The following DIP2C variants were observed in gnomAD, a reference collection of about 807,000 sequenced individuals.
The protein encoded by DIP2C is disco-interacting protein 2 homolog C.
In DIP2C, 33 loss-of-function variants were observed where a neutral mutation model predicts 192.4. The observed-to-expected ratio is 0.17, with a 90% confidence interval of 0.13 to 0.23. DIP2C has a LOEUF of 0.23. DIP2C is among the 10% of genes least tolerant of loss of function. The pLI is 1.00. For synonymous variants in DIP2C, 979 were observed against 864.1 expected (o/e 1.13, Z -2.33); for missense variants, 1,537 against 2,110.1 (o/e 0.73, Z 5.32).
In DIP2C at chr10:689,509, G is replaced by C. The variant is rs1831467448; in HGVS notation, c.70C>G (p.Leu24Val). The C allele has an allele frequency of 7.8e-7, 1 of 1,283,378 alleles. No homozygotes were observed. The highest frequency in any genetic ancestry group is 1.0e-6 in the Non-Finnish European group (1 of 995,574). The allele number at this position is 1,283,378 out of a possible 1,614,324, so 79.5% of individuals were successfully genotyped here. The part of the protein sequence containing the change: ...EVRARLAELE[L>V]ELSEGDITQK... ...GCCCGGTTACCTTCCGACAGCTCCA[G>C]CTCCAGCTCGGCCAGGCGCGCCCGC... Residue 24 changes from leucine to valine, a missense_variant, in exon 1 of 37, where the codon CTG (leucine) becomes GTG (valine). Leu to Val is a conservative substitution (Grantham distance 32). This residue lies in a region of DIP2C where 473 missense variants were observed against 539.6 expected (regional missense o/e 0.88). Coordinates refer to ENST00000280886, the MANE Select transcript of DIP2C (RefSeq NM_014974.3). The surrounding 1 kb of genome is among the most constrained non-coding windows in gnomAD (Gnocchi z 6.1).
intron 1 of DIP2C, among the ~76,000 whole-genome samples, chr10:589,108 T>C (rs1218590307): frequency 4.6e-5 from 7 of 152,042 alleles, no homozygotes; most frequent in Non-Finnish European, 1.0e-4. Context: ...TTTCAGATGC[T>C]TTCAGGCCAC....
intron 1 of DIP2C, among the ~76,000 whole-genome samples, chr10:640,679 G>C (rs371394721): frequency 9.9e-5 from 14 of 141,528 alleles, no homozygotes; most frequent in African/African-American, 4.0e-4. Flanking sequence ...GGGGATGAGG[G>C]TGCGCGCGGG....
At chr10:281,890 A>C (rs993136677) in intron 35 of DIP2C, 2 of 152,416 alleles carry the variant, frequency 1.3e-5, no homozygotes, top group Admixed American at 1.3e-4. Context: ...TGCAAACCTC[A>C]GAATAATGAC....
Position 341,309 on chromosome 10 carries a change from A to G in DIP2C, c.3474T>C (p.Ser1158=). The part of the protein sequence containing the change: ...AGVKMSHAAT[S]AFCRSIKLQC... ...GCAGCTTAATGGAACGGCAGAAGGC[A>G]CTGGTGGCTGCGTGAGACATCTGCA... The change falls in exon 29 of 37, where the codon AGT becomes AGC. Residue 1158 remains serine (S), a synonymous_variant. Transcript: ENST00000280886. 1 of 1,614,120 alleles carries G rather than the reference A, an allele frequency of 6.2e-7. No individual in the cohort carries two copies. The highest frequency in any genetic ancestry group is 8.5e-7 in the Non-Finnish European group (1 of 1,180,036).
chr10:593,881 T>G (rs552678040), intron 1 of DIP2C, among the ~76,000 whole-genome samples: 1 of 152,298 alleles, frequency 6.6e-6, no homozygotes, highest in African/African-American at 2.4e-5. Flanking sequence ...CTCGAATGTC[T>G]TCTGAAAGCA....
chr10:598,157 C>G (rs1177323949), intron 1 of DIP2C, among the ~76,000 whole-genome samples: 1 of 152,220 alleles, frequency 6.6e-6, no homozygotes, highest in African/African-American at 2.4e-5. Flanking sequence ...GTCGGAGACA[C>G]CAGGGATGGA....
chr10:281,362 T>C (rs374002026), intron 35 of DIP2C, 39 bp from the exon 36 acceptor site: 10 of 1,557,258 alleles, frequency 6.4e-6, no homozygotes, highest in Admixed American at 1.8e-5. Flanking sequence ...TTCCCCATAA[T>C]GCCGCTCAAG....
intron 5 of DIP2C, among the ~76,000 whole-genome samples, chr10:419,442 G>A (rs184222163): frequency 2.7e-3 from 409 of 152,348 alleles, no homozygotes; most frequent in Non-Finnish European, 4.8e-3. Context: ...TTCCTAACGG[G>A]AGCCATGTCA....
intron 4 of DIP2C, among the ~76,000 whole-genome samples, chr10:424,722 T>C (rs1248276609): frequency 6.6e-6 from 1 of 152,290 alleles, no homozygotes; most frequent in South Asian, 2.1e-4. Context: ...GACACAGCCT[T>C]GAGACTTTTG....
intron 10 of DIP2C, among the ~76,000 whole-genome samples, chr10:393,778 CAAAAA>C (rs34390976): frequency 4.5e-5 from 3 of 66,722 alleles, no homozygotes; most frequent in African/African-American, 6.3e-5. Context: ...GACTCCGTCT[CAAAAA>C]AAAAAAAAAA....
intron 32 of DIP2C, among the ~76,000 whole-genome samples, chr10:302,158 T>C (rs182342274): frequency 6.6e-6 from 1 of 152,090 alleles, no homozygotes; most frequent in Non-Finnish European, 1.5e-5. Flanking sequence ...TGTATATCCA[T>C]GTAAAGGTAT....
chr10:370,349 C>T (rs111769928), intron 17 of DIP2C, among the ~76,000 whole-genome samples: 16 of 152,336 alleles, frequency 1.1e-4, no homozygotes, highest in South Asian at 8.3e-4. Context: ...AGCTTGCTCC[C>T]GCCTTGGGGC....
chr10:537,794 T>A (rs1588417085), intron 1 of DIP2C, among the ~76,000 whole-genome samples: 1 of 99,238 alleles, frequency 1.0e-5, no homozygotes, highest in South Asian at 2.7e-4. Flanking sequence ...CGTCTGCGAA[T>A]TTTTTTTTTT....
intron 1 of DIP2C, among the ~76,000 whole-genome samples, chr10:571,383 C>G (rs1332352536): frequency 3.3e-5 from 5 of 152,160 alleles, no homozygotes; most frequent in South Asian, 4.1e-4. Context: ...TCAGCTGTGA[C>G]GCACCCGCGA....
intron 1 of DIP2C, among the ~76,000 whole-genome samples, chr10:634,056 G>C (rs1854686263): frequency 1.3e-5 from 2 of 152,228 alleles, no homozygotes; most frequent in African/African-American, 2.4e-5. Context: ...GTCCTGGACA[G>C]TCTCCAGATC....
chr10:654,643 G>A (rs187697039), intron 1 of DIP2C, among the ~76,000 whole-genome samples: 1 of 152,244 alleles, frequency 6.6e-6, no homozygotes, highest in East Asian at 1.9e-4. Flanking sequence ...TCCCCAGGAA[G>A]TAATGAGTGC....
chr10:343,578 C>G (rs1165661680), intron 28 of DIP2C, among the ~76,000 whole-genome samples: 2 of 152,154 alleles, frequency 1.3e-5, no homozygotes, highest in Non-Finnish European at 2.9e-5. Flanking sequence ...GTAAATAATT[C>G]TTTTTAGCTT....
At chr10:576,998 AGCTGG>A (rs1850203776) in intron 1 of DIP2C, among the ~76,000 whole-genome samples, 1 of 152,340 alleles carries the variant, frequency 6.6e-6, no homozygotes, top group South Asian at 2.1e-4. Context: ...AAAATTCATT[AGCTGG>A]TAGTTGATCC....
At chr10:560,974 ACTCT>A (rs200101432) in intron 1 of DIP2C, among the ~76,000 whole-genome samples, 1 of 151,750 alleles carries the variant, frequency 6.6e-6, no homozygotes. Flanking sequence ...TAATCGTACA[ACTCT>A]CTCAACCAAC....
Sources: gnomAD v4.1 joint callset for allele counts (sites outside exome capture counted in the v4.1 genomes callset) on GRCh38, gnomAD v4.1.1 for gene constraint, gnomAD v4.1.1 regional missense constraint, Gnocchi (gnomAD v3.1) non-coding constraint, MANE v1.5 for transcripts, NCBI Gene and HGNC (gene_info 2026-07-23, HGNC 2026-07-21) for gene names.